PDIA5: variants seen among roughly 807,000 people sequenced by gnomAD.
PDIA5 encodes protein disulfide isomerase family A member 5, also known as protein disulfide-isomerase A5.
In PDIA5, 58 loss-of-function variants were observed where a neutral mutation model predicts 77.6. The ratio of observed to expected loss-of-function variants is 0.75; its 90% CI spans 0.61 to 0.93. The LOEUF (loss-of-function observed/expected upper bound fraction) is 0.93. PDIA5 is among the 40% of genes least tolerant of loss of function. PDIA5 has a pLI of 0.00. For synonymous variants in PDIA5, 250 were observed against 252.1 expected (o/e 0.99, Z 0.08); for missense variants, 630 against 647.7 (o/e 0.97, Z 0.30).
At chr3:123,160,467 A>G (rs191115898) in intron 15 of PDIA5, among the ~76,000 whole-genome samples, 1 of 152,326 alleles carries the variant, frequency 6.6e-6, no homozygotes, top group Non-Finnish European at 1.5e-5. Flanking sequence ...TCCAGTTTCC[A>G]GATGTGCTTC....
chr3:123,154,285 C>T (rs1935972450), intron 14 of PDIA5, among the ~76,000 whole-genome samples: 1 of 152,172 alleles, frequency 6.6e-6, no homozygotes, highest in Non-Finnish European at 1.5e-5. Context: ...CAGGGAGCAT[C>T]AAGGGACCTG....
intron 13 of PDIA5, among the ~76,000 whole-genome samples, chr3:123,147,577 A>G (rs1935798664): frequency 1.3e-5 from 2 of 152,194 alleles, no homozygotes; most frequent in African/African-American, 4.8e-5. Context: ...CAAAGTTGCC[A>G]CTAGATTCAG....
chr3:123,150,399 A>G, intron 14 of PDIA5, 35 bp downstream of exon 14: 4 of 1,600,494 alleles, frequency 2.5e-6, no homozygotes, highest in South Asian at 1.1e-5. Context: ...GTGGCACAGT[A>G]AGAGGGGTTT....
At position 123,102,490 on chromosome 3, in the gene PDIA5, T is replaced by C; in HGVS notation, c.337T>C (p.Tyr113His). ...GGACAAAAAGGTTGAATTATTCCAT[T>C]ACCAGTAAGTACACATGGGCATTTC... Reference protein sequence around the residue: ...PKDKKVELFHYQDGAFHTEYN... With the variant: ...PKDKKVELFHHQDGAFHTEYN... Residue 113 changes from tyrosine to histidine, a missense_variant, in exon 4 of 17, where the codon TAC becomes CAC. By Grantham distance (83) the Tyr-to-His change is moderately conservative. Coordinates refer to ENST00000316218, the MANE Select transcript of PDIA5 (RefSeq NM_006810.4). The C allele has an allele frequency of 6.2e-7, 1 of 1,609,916 alleles. No individual in the cohort carries two copies. The highest frequency in any genetic ancestry group is 8.5e-7 in the Non-Finnish European group (1 of 1,176,100).
chr3:123,146,229 CAAA>C lies in PDIA5; in HGVS notation c.1113_1115del (p.Lys374del), dbSNP rs775310071. On this transcript the variant is annotated inframe_deletion, in exon 13 of 17. Coordinates refer to ENST00000316218, the MANE Select transcript of PDIA5 (RefSeq NM_006810.4). ...AAATACGCAGTGCCTGTGCTCAGGA[CAAA>C]GAAGAAGTTTCTCGAGTGGATGCAA... The C allele has an allele frequency of 3.1e-6, 5 of 1,614,004 alleles. No individual in the cohort carries two copies. The East Asian group carries it at 1.1e-4, about 36-fold the overall frequency.
chr3:123,116,079 C>G (rs1387052614), intron 7 of PDIA5, 152 bp from the exon 8 acceptor site: 2 of 690,964 alleles, frequency 2.9e-6, no homozygotes, highest in Non-Finnish European at 5.2e-6. Flanking sequence ...CCTCCTGTTC[C>G]TTTTGTGTCC....
chr3:123,125,715 A>G (rs1935232449), intron 10 of PDIA5, among the ~76,000 whole-genome samples: 1 of 152,198 alleles, frequency 6.6e-6, no homozygotes, highest in South Asian at 2.1e-4. Flanking sequence ...GAGAGTCTCC[A>G]TCTTCTGTTC....
chr3:123,145,501 T>A lies in PDIA5; in HGVS notation c.911-21T>A, dbSNP rs1351009113. On this transcript the variant is annotated intron_variant, in intron 11 of 16. Coordinates refer to ENST00000316218, the MANE Select transcript of PDIA5 (RefSeq NM_006810.4). ...GGGCCTCTGTGCCATAAGAATGGTT[T>A]CTCTTGATCTCTCCCCACAGGGTGT... 3 of 1,609,064 alleles carry A rather than the reference T, an allele frequency of 1.9e-6. No homozygotes were observed. The Admixed American group carries it at 5.0e-5, about 27-fold the overall frequency.
rs558016862 is a variant in PDIA5, at chr3:123,109,851, T to A, written c.481-1093T>A. Among the ~76,000 whole-genome samples the A allele has an allele frequency of 5.9e-5, 9 of 152,354 alleles. No individual in the cohort carries two copies. The South Asian group carries it at 1.4e-3, about 25-fold the overall frequency. ...TTTGTAACTTGCTTCCCCCACCCTT[T>A]AGTGCACCATGCACATCTGATTGTG... is the stretch of plus-strand genomic sequence containing the variant. On this transcript the variant is annotated intron_variant, in intron 6 of 16. Coordinates refer to ENST00000316218, the MANE Select transcript of PDIA5 (RefSeq NM_006810.4).
chr3:123,098,678 G>T (rs963758780), intron 3 of PDIA5, among the ~76,000 whole-genome samples: 30 of 151,434 alleles, frequency 2.0e-4, no homozygotes, highest in African/African-American at 7.0e-4. Context: ...GAGCAGATCA[G>T]TGGCCTTGAT....
At chr3:123,124,231 C>A in intron 9 of PDIA5, 41 bp from the exon 10 acceptor site, 1 of 1,581,772 alleles carries the variant, frequency 6.3e-7, no homozygotes, top group Non-Finnish European at 8.7e-7. Context: ...GTGGCATTTG[C>A]ATCCGTGACT....
chr3:123,158,318 C>G (rs1449505495), intron 15 of PDIA5, among the ~76,000 whole-genome samples: 1 of 152,188 alleles, frequency 6.6e-6, no homozygotes, highest in Non-Finnish European at 1.5e-5. Context: ...AGATCATATG[C>G]TAGTTTCTCA....
Position 123,136,745 on chromosome 3 carries a change from A to T in PDIA5, c.910+6129A>T, listed in dbSNP as rs868061523. 2.5e-3 allele frequency among the ~76,000 whole-genome samples: 381 copies of T among 151,724 alleles called. 2 individuals carry two copies. The highest frequency in any genetic ancestry group is 8.8e-3 in the African/African-American group (363 of 41,304). Reference sequence around the variant, plus strand: ...CAAGACAAAAAAAAAAAAAAAAAAAAAAAAGGGGGTTGGGTTTTTTGTTTT... The same window carrying T: ...CAAGACAAAAAAAAAAAAAAAAAAATAAAAGGGGGTTGGGTTTTTTGTTTT... On this transcript the variant is annotated intron_variant, in intron 11 of 16. Transcript: ENST00000316218.
Position 123,110,918 on chromosome 3 carries a change from G to A in PDIA5, c.481-26G>A, listed in dbSNP as rs181889898. 5,964 of 1,596,746 alleles carry A rather than the reference G, an allele frequency of 3.7e-3. 8 individuals carry two copies. Among genetic ancestry groups the A allele is most frequent in the Non-Finnish European group, 4.4e-3 (5,166 of 1,164,196 alleles). ...CCTGTTACTGTGTTGTGTGCGAGCT[G>A]CTGGTATTCTCTTTTTGTGCCTCAG... On this transcript the variant is annotated intron_variant, in intron 6 of 16. Coordinates refer to ENST00000316218, the MANE Select transcript of PDIA5 (RefSeq NM_006810.4).
At chr3:123,147,970 G>A (rs1358770953) in intron 13 of PDIA5, among the ~76,000 whole-genome samples, 2 of 152,160 alleles carry the variant, frequency 1.3e-5, no homozygotes, top group East Asian at 1.9e-4. Flanking sequence ...CACAAACAGC[G>A]AGCATGAGGG....
intron 5 of PDIA5, 23 bp from the exon 6 acceptor site, chr3:123,106,726 C>A (rs750314078): frequency 8.4e-6 from 13 of 1,556,784 alleles, no homozygotes; most frequent in Admixed American, 1.7e-5. Context: ...AATGCATTTT[C>A]TCTTCTCTTT....
intron 7 of PDIA5, among the ~76,000 whole-genome samples, chr3:123,115,834 G>A (rs1363074277): frequency 1.3e-5 from 2 of 152,382 alleles, no homozygotes; most frequent in East Asian, 3.9e-4. Flanking sequence ...TGCAGGCCCT[G>A]CCTGGGCAGT....
At chr3:123,159,958 A>G (rs1936119284) in intron 15 of PDIA5, among the ~76,000 whole-genome samples, 1 of 152,244 alleles carries the variant, frequency 6.6e-6, no homozygotes, top group Admixed American at 6.5e-5. Context: ...CATCAACCAA[A>G]GAACTGTGTG....
At chr3:123,102,851 G>A in intron 5 of PDIA5, 55 bp downstream of exon 5, 4 of 1,179,660 alleles carry the variant, frequency 3.4e-6, no homozygotes, top group South Asian at 1.2e-5. Context: ...GACGCCCAAA[G>A]TCTGGCAGGT....
Sources: allele counts gnomAD v4.1 joint callset (sites outside exome capture counted in the v4.1 genomes callset), GRCh38; gene constraint gnomAD v4.1.1; transcripts MANE v1.5; gene names NCBI Gene and HGNC (gene_info 2026-07-23, HGNC 2026-07-21).